The following EPS15L1 variants were observed in gnomAD, a reference collection of about 807,000 sequenced individuals.
EPS15L1 encodes epidermal growth factor receptor substrate 15-like 1.
A neutral mutation model predicts 117.1 loss-of-function variants in EPS15L1; 43 were observed. The ratio of observed to expected loss-of-function variants is 0.37; its 90% CI spans 0.29 to 0.47. EPS15L1 has a LOEUF of 0.47. Ranked by LOEUF, EPS15L1 falls within the 20% of genes least tolerant of loss-of-function variation. EPS15L1 has a pLI of 0.99. For missense variants in EPS15L1, 981 were observed against 1,164.0 expected, an observed-to-expected ratio of 0.84 and a Z score of 2.29; for synonymous variants, 459 against 470.5, an observed-to-expected ratio of 0.98 and a Z score of 0.32.
chr19:16,367,116 C>A (rs902239431), intron 22 of EPS15L1, among the ~76,000 whole-genome samples: 25 of 151,648 alleles, frequency 1.6e-4, no homozygotes, highest in Admixed American at 9.8e-4. Flanking sequence ...GGATGGAAAT[C>A]ATGAAAACAA....
chr19:16,420,509 C>T (rs1038384428), intron 10 of EPS15L1, among the ~76,000 whole-genome samples: 1 of 152,218 alleles, frequency 6.6e-6, no homozygotes, highest in East Asian at 1.9e-4. Context: ...GACTCTGCGA[C>T]AGCTAGTTCT....
intron 1 of EPS15L1, among the ~76,000 whole-genome samples, chr19:16,469,202 G>T (rs1049284919): frequency 2.0e-5 from 3 of 152,132 alleles, no homozygotes; most frequent in Admixed American, 6.6e-5. Flanking sequence ...CAGGTTTGAA[G>T]TCCTCTGCAC....
At chr19:16,399,152 G>A (rs2092571396) in intron 16 of EPS15L1, among the ~76,000 whole-genome samples, 1 of 152,184 alleles carries the variant, frequency 6.6e-6, no homozygotes, top group Non-Finnish European at 1.5e-5. Context: ...TTGGCCTGAA[G>A]CCACAATCAC....
Position 16,377,244 on chromosome 19 carries a change from G to C in EPS15L1, c.2258C>G (p.Ser753Cys). The change falls in exon 22 of 24, where the codon TCT becomes TGT. Residue 753 changes from serine to cysteine, a missense_variant. By Grantham distance (112) the Ser-to-Cys change is moderately radical. Coordinates refer to ENST00000455140, the MANE Select transcript of EPS15L1 (RefSeq NM_001258374.3). The stretch of plus-strand genomic sequence containing the variant: ...TCCCAAGGAGGAGGTGAAAGGGCCA[G>C]AAGGTGGGGGCTGTAAGAGAGGACA... Reference protein sequence around the residue: ...DFSQMSKPPPSGPFTSSLGGA... With the variant: ...DFSQMSKPPPCGPFTSSLGGA... 1.9e-6 allele frequency: 3 copies of C among 1,611,276 alleles called. No individual in the cohort carries two copies. The highest frequency in any genetic ancestry group is 2.5e-6 in the Non-Finnish European group (3 of 1,179,148).
intron 21 of EPS15L1, 113 bp from the exon 22 acceptor site, chr19:16,377,367 T>C: frequency 8.3e-7 from 1 of 1,209,564 alleles, no homozygotes; most frequent in Non-Finnish European, 1.2e-6. Context: ...TCCTACCCTC[T>C]GGACTGCACA....
At chr19:16,415,990 AC>A (rs2092754642) in intron 12 of EPS15L1, among the ~76,000 whole-genome samples, 1 of 152,168 alleles carries the variant, frequency 6.6e-6, no homozygotes, top group African/African-American at 2.4e-5. Context: ...CAGAACAGGA[AC>A]CATCTGCTGC....
intron 21 of EPS15L1, 27 bp downstream of exon 21, chr19:16,385,102 C>A: frequency 6.3e-7 from 1 of 1,591,668 alleles, no homozygotes; most frequent in South Asian, 1.1e-5. Flanking sequence ...CTAGCAGAGG[C>A]GCGGGGGCTC....
chr19:16,464,908 T>C (rs2093288432), intron 1 of EPS15L1, among the ~76,000 whole-genome samples: 1 of 151,878 alleles, frequency 6.6e-6, no homozygotes, highest in Non-Finnish European at 1.5e-5. Context: ...TGAAACCCCG[T>C]CTCTACTAAA....
chr19:16,403,953 G>A, intron 14 of EPS15L1, 23 bp from the exon 15 acceptor site: 1 of 1,600,848 alleles, frequency 6.2e-7, no homozygotes, highest in Non-Finnish European at 8.5e-7. Context: ...GTTAAAAGAT[G>A]TTAAAGAGAT....
intron 7 of EPS15L1, among the ~76,000 whole-genome samples, chr19:16,430,643 C>A (rs2092918814): frequency 6.6e-6 from 1 of 152,216 alleles, no homozygotes; most frequent in Admixed American, 6.5e-5. Flanking sequence ...ATTATCCCCA[C>A]CTTCCCACTG....
chr19:16,412,897 C>A, intron 13 of EPS15L1: 1 of 625,644 alleles, frequency 1.6e-6, no homozygotes, highest in Non-Finnish European at 3.0e-6. Context: ...CAAGCTGGGC[C>A]GCCTGGTCAA....
intron 1 of EPS15L1, among the ~76,000 whole-genome samples, chr19:16,465,986 ATT>A (rs1210019369): frequency 1.1e-3 from 134 of 126,162 alleles, no homozygotes; most frequent in Middle Eastern, 8.1e-3. Context: ...CACTTTATCT[ATT>A]TTTTTTTTTT....
At chr19:16,441,176 A>G (rs1409984185) in intron 3 of EPS15L1, 3 of 502,568 alleles carry the variant, frequency 6.0e-6, no homozygotes, top group East Asian at 3.6e-5. Flanking sequence ...TCCCCCAACT[A>G]AAGTCCGCAA....
At chr19:16,366,004 T>G (rs1354939059) in intron 22 of EPS15L1, among the ~76,000 whole-genome samples, 1 of 152,200 alleles carries the variant, frequency 6.6e-6, no homozygotes, top group African/African-American at 2.4e-5. Flanking sequence ...CTGCCCTTCC[T>G]GGTTTGCAGG....
At chr19:16,373,308 G>T (rs1458962031) in intron 22 of EPS15L1, among the ~76,000 whole-genome samples, 1 of 152,162 alleles carries the variant, frequency 6.6e-6, no homozygotes, top group African/African-American at 2.4e-5. Flanking sequence ...CCAGCATCTG[G>T]GAAGCCCTGG....
chr19:16,376,692 G>A (rs574646508), intron 22 of EPS15L1, among the ~76,000 whole-genome samples: 1 of 152,356 alleles, frequency 6.6e-6, no homozygotes, highest in East Asian at 1.9e-4. Flanking sequence ...CCCCCAACAG[G>A]CCCTCCCTGA....
chr19:16,359,770 G>A (rs1250211572), intron 23 of EPS15L1, among the ~76,000 whole-genome samples: 1 of 152,050 alleles, frequency 6.6e-6, no homozygotes, highest in African/African-American at 2.4e-5. Flanking sequence ...GCTGAGGTGG[G>A]ACGATTGCTT....
intron 4 of EPS15L1, among the ~76,000 whole-genome samples, chr19:16,439,669 C>A (rs1233012083): frequency 6.6e-6 from 1 of 151,930 alleles, no homozygotes; most frequent in Non-Finnish European, 1.5e-5. Context: ...CCAGCCTGGG[C>A]AACAGAGCGA....
At chr19:16,402,689 G>A (rs1401418759) in intron 15 of EPS15L1, among the ~76,000 whole-genome samples, 10 of 149,222 alleles carry the variant, frequency 6.7e-5, no homozygotes, top group Non-Finnish European at 5.9e-5. Flanking sequence ...CTACAGGTGC[G>A]TGTCACCACC....
Sources: gnomAD v4.1 joint callset for allele counts (sites outside exome capture counted in the v4.1 genomes callset) on GRCh38, gnomAD v4.1.1 for gene constraint, MANE v1.5 for transcripts, NCBI Gene and HGNC (gene_info 2026-07-23, HGNC 2026-07-21) for gene names.